NRG3: variants seen among roughly 807,000 people sequenced by gnomAD.
The protein encoded by NRG3 is neuregulin 3.
Under a neutral mutation model 66.9 loss-of-function variants are expected in NRG3, and 31 were observed. That is an observed-to-expected ratio of 0.46 (90% confidence interval 0.35 to 0.63). The LOEUF (loss-of-function observed/expected upper bound fraction) is 0.63. Among genes scored for constraint, NRG3 ranks in the 20% least tolerant of loss-of-function variants. The pLI is 0.00. For synonymous variants in NRG3, 393 were observed against 359.4 expected (o/e 1.09, Z -1.06); for missense variants, 910 against 878.9 (o/e 1.04, Z -0.45).
At chr10:82,248,149 G>C (rs2134068147) in intron 1 of NRG3, among the ~76,000 whole-genome samples, 1 of 152,206 alleles carries the variant, frequency 6.6e-6, no homozygotes, top group Non-Finnish European at 1.5e-5. Context: ...TGACCTAACA[G>C]GCAGCAGGGA....
intron 2 of NRG3, among the ~76,000 whole-genome samples, chr10:82,592,548 A>G (rs956894915): frequency 6.6e-6 from 1 of 152,164 alleles, no homozygotes; most frequent in African/African-American, 2.4e-5. Flanking sequence ...TCATGTGCCA[A>G]ATGGAAGCCA....
chr10:81,912,278 G>C (rs184883685), intron 1 of NRG3, among the ~76,000 whole-genome samples: 1 of 152,176 alleles, frequency 6.6e-6, no homozygotes, highest in Admixed American at 6.5e-5. Flanking sequence ...CTGGAGTTCA[G>C]GGGTGCAGTC....
intron 1 of NRG3, among the ~76,000 whole-genome samples, chr10:82,228,104 G>A (rs924332115): frequency 1.3e-5 from 2 of 152,096 alleles, no homozygotes; most frequent in South Asian, 2.1e-4. Flanking sequence ...GTAGGAAAAG[G>A]TCAAAACCCA....
At chr10:81,910,312 T>C (rs1845008773) in intron 1 of NRG3, among the ~76,000 whole-genome samples, 1 of 152,134 alleles carries the variant, frequency 6.6e-6, no homozygotes, top group Admixed American at 6.5e-5. Flanking sequence ...CAGGAAGATA[T>C]TTGCAAGAAG....
intron 3 of NRG3, among the ~76,000 whole-genome samples, chr10:82,776,351 A>G (rs992844251): frequency 6.6e-6 from 1 of 151,804 alleles, no homozygotes; most frequent in South Asian, 2.1e-4. Context: ...TGATTTTCCA[A>G]TTTTCTCTTT....
chr10:82,240,283 T>C (rs1273514348), intron 1 of NRG3, among the ~76,000 whole-genome samples: 2 of 152,176 alleles, frequency 1.3e-5, no homozygotes, highest in South Asian at 4.1e-4. Context: ...TTTATTAAAA[T>C]TGGTAAATTA....
intron 3 of NRG3, among the ~76,000 whole-genome samples, chr10:82,790,323 A>G (rs1257033721): frequency 2.6e-5 from 4 of 152,034 alleles, no homozygotes; most frequent in Non-Finnish European, 4.4e-5. Context: ...TCTCATAGAC[A>G]TACCTTTACT....
chr10:81,916,051 AAATT>A (rs1845677797), intron 1 of NRG3, among the ~76,000 whole-genome samples: 1 of 152,230 alleles, frequency 6.6e-6, no homozygotes, highest in Non-Finnish European at 1.5e-5. Context: ...ATCAACATAA[AAATT>A]AATGAAATAT....
At chr10:82,689,355 C>T (rs2054749041) in intron 2 of NRG3, among the ~76,000 whole-genome samples, 1 of 152,132 alleles carries the variant, frequency 6.6e-6, no homozygotes, top group Non-Finnish European at 1.5e-5. Context: ...CTCCTGGATT[C>T]TGCACACACT....
intron 1 of NRG3, among the ~76,000 whole-genome samples, chr10:81,957,225 C>T (rs1849923399): frequency 6.6e-6 from 1 of 152,124 alleles, no homozygotes; most frequent in Admixed American, 6.5e-5. Context: ...CCAGGAACGC[C>T]TGCATTGGAC....
At chr10:82,824,356 G>A (rs2062088654) in intron 3 of NRG3, among the ~76,000 whole-genome samples, 1 of 152,270 alleles carries the variant, frequency 6.6e-6, no homozygotes, top group Admixed American at 6.5e-5. Context: ...GAGTAGACAT[G>A]TGTTTTTAAT....
Position 81,915,804 on chromosome 10 carries a change from G to T in NRG3, c.823+39641G>T, listed in dbSNP as rs150183790. ...GAGACAGAAAATTAGCATGATAATG[G>T]TGATAATTGTTCTGTCCTCTGGACA... On this transcript the variant is annotated intron_variant, in intron 1 of 8. Transcript: ENST00000372141. Among the ~76,000 whole-genome samples, 24 of 152,126 alleles carry T rather than the reference G, an allele frequency of 1.6e-4. No homozygotes were observed. The East Asian group carries it at 4.7e-3, about 30-fold the overall frequency.
At chr10:82,321,341 C>T (rs1217703932) in intron 1 of NRG3, among the ~76,000 whole-genome samples, 1 of 151,864 alleles carries the variant, frequency 6.6e-6, no homozygotes, top group Non-Finnish European at 1.5e-5. Context: ...TCACCTGCAG[C>T]CCCCCAAATA....
At chr10:82,020,069 G>A (rs897945847) in intron 1 of NRG3, among the ~76,000 whole-genome samples, 3 of 151,924 alleles carry the variant, frequency 2.0e-5, no homozygotes, top group African/African-American at 7.3e-5. Flanking sequence ...TCTCTTGTGG[G>A]CATTTACTGC....
At chr10:82,440,601 T>C (rs1210543905) in intron 2 of NRG3, among the ~76,000 whole-genome samples, 2 of 152,154 alleles carry the variant, frequency 1.3e-5, no homozygotes. Context: ...TGCTTAAACA[T>C]GACTTTGTGG....
intron 2 of NRG3, among the ~76,000 whole-genome samples, chr10:82,586,521 C>A (rs947872279): frequency 1.3e-5 from 2 of 152,038 alleles, no homozygotes; most frequent in Admixed American, 1.3e-4. Context: ...AAATATTAAG[C>A]AAAATACTTG....
At chr10:82,101,917 C>T (rs1163460965) in intron 1 of NRG3, among the ~76,000 whole-genome samples, 1 of 146,294 alleles carries the variant, frequency 6.8e-6, no homozygotes. Context: ...GTTTTGAAAT[C>T]TTAAAGAATA....
chr10:81,994,511 C>G (rs1296559935), intron 1 of NRG3, among the ~76,000 whole-genome samples: 1 of 151,608 alleles, frequency 6.6e-6, no homozygotes, highest in Admixed American at 6.6e-5. Flanking sequence ...TTTATTCTTT[C>G]CTGGTTAGGT....
chr10:82,032,748 A>G (rs2062627767), intron 1 of NRG3, among the ~76,000 whole-genome samples: 1 of 152,054 alleles, frequency 6.6e-6, no homozygotes, highest in African/African-American at 2.4e-5. Context: ...TCTTTCTTTG[A>G]CAGTTTGGAG....
Sources: gnomAD v4.1 joint callset for allele counts (sites outside exome capture counted in the v4.1 genomes callset) on GRCh38, gnomAD v4.1.1 for gene constraint, MANE v1.5 for transcripts, NCBI Gene and HGNC (gene_info 2026-07-23, HGNC 2026-07-21) for gene names.